OCRL: variants seen among roughly 807,000 people sequenced by gnomAD.
The protein encoded by OCRL is inositol polyphosphate 5-phosphatase OCRL.
In OCRL, 8 loss-of-function variants were observed where a neutral mutation model predicts 78.9. The observed-to-expected ratio is 0.10, with a 90% CI of 0.06 to 0.18. The LOEUF is 0.18. Among genes scored for constraint, OCRL ranks in the 10% least tolerant of loss-of-function variants. The pLI, the probability that OCRL is intolerant of heterozygous loss-of-function variation, is 1.00. For missense variants in OCRL, 454 were observed against 696.7 expected, an observed-to-expected ratio of 0.65 and a Z score of 3.92; for synonymous variants, 240 against 235.4, an observed-to-expected ratio of 1.02 and a Z score of -0.18.
chrX:129,573,382 C>T (rs1936326981), intron 15 of OCRL, among the ~76,000 whole-genome samples: 1 of 111,125 alleles, frequency 9.0e-6, no homozygotes, highest in South Asian at 3.9e-4. Flanking sequence ...TCCTTCCCCT[C>T]GCCCCACTAC....
At chrX:129,577,627 ATCTGT>A (rs1468862482) in intron 18 of OCRL, among the ~76,000 whole-genome samples, 2 of 111,354 alleles carry the variant, frequency 1.8e-5, no homozygotes, top group Non-Finnish European at 3.8e-5. Flanking sequence ...TCTGAGTCCG[ATCTGT>A]TCTGTTGCCA....
intron 4 of OCRL, among the ~76,000 whole-genome samples, chrX:129,548,882 A>G (rs780676818): frequency 2.7e-5 from 3 of 112,267 alleles, no homozygotes; most frequent in South Asian, 7.4e-4. Flanking sequence ...TGTCAGTTGA[A>G]TCATTGCTGT....
chrX:129,551,345 A>T (rs1026885343), intron 4 of OCRL, among the ~76,000 whole-genome samples: 5 of 112,483 alleles, frequency 4.4e-5, no homozygotes, highest in Admixed American at 9.4e-5. Flanking sequence ...GGCTCTAGGG[A>T]TATAGCAGAA....
intron 4 of OCRL, among the ~76,000 whole-genome samples, chrX:129,554,948 AAAATAAATAAATAAAT>A (rs765929333): frequency 1.2e-3 from 104 of 84,662 alleles, no homozygotes; most frequent in African/African-American, 1.9e-3. Flanking sequence ...ACTCCTTCTC[AAAATAAATAAATAAAT>A]AAATAAATAA....
At chrX:129,579,504 G>T (rs1360811714) in intron 18 of OCRL, among the ~76,000 whole-genome samples, 1 of 111,759 alleles carries the variant, frequency 8.9e-6, no homozygotes, top group Non-Finnish European at 1.9e-5. Flanking sequence ...CTTATGCACT[G>T]TTTTAGAAAG....
In OCRL at chrX:129,558,848, G is replaced by T. The variant is rs776946722; in HGVS notation, c.569G>T (p.Arg190Leu). ...TCTCATTTATTTGCTAGGCTTCCAC[G>T]TGAAAAAGAAGCTTCTAACAAGGAG... ...PPFSVNKMLP[R>L]EKEASNKEQP... The change falls in exon 8 of 24, where the codon CGT (arginine) becomes CTT (leucine). Residue 190 changes from arginine to leucine, a missense_variant. This residue lies in a region of OCRL where 177 missense variants were observed against 179.6 expected (regional missense o/e 0.99). Coordinates refer to ENST00000371113, the MANE Select transcript of OCRL (RefSeq NM_000276.4). The T allele has an allele frequency of 5.0e-6, 6 of 1,211,817 alleles. No homozygotes were observed. The South Asian group carries it at 8.8e-5, about 18-fold the overall frequency.
intron 16 of OCRL, among the ~76,000 whole-genome samples, 174 bp downstream of exon 16, chrX:129,575,424 A>G (rs1464683893): frequency 8.9e-6 from 1 of 111,809 alleles, no homozygotes; most frequent in Non-Finnish European, 1.9e-5. Flanking sequence ...TCAGGCAAGT[A>G]TCTTACCCGC....
At chrX:129,578,174 A>T (rs2266913) in intron 18 of OCRL, among the ~76,000 whole-genome samples, 3,208 of 111,727 alleles carry the variant, frequency 0.029, 117 homozygotes, top group East Asian at 0.2. Flanking sequence ...CAATACCATT[A>T]TTATGTATAA....
chrX:129,545,641 T>C (rs1935868706), intron 3 of OCRL, among the ~76,000 whole-genome samples: 1 of 112,192 alleles, frequency 8.9e-6, no homozygotes, highest in Non-Finnish European at 1.9e-5. Flanking sequence ...GAGGTTTGTG[T>C]AGGAGGTGTT....
chrX:129,545,053 C>A lies in OCRL; in HGVS notation c.199+16C>A, dbSNP rs5977104. The stretch of plus-strand genomic sequence containing the variant: ...TGTGTTCAAGGTACTAGCTTTAATT[C>A]CTTAGCTAGTTTTATAATGTTTTTT... On this transcript the variant is annotated intron_variant, in intron 3 of 23. Coordinates refer to ENST00000371113, the MANE Select transcript of OCRL (RefSeq NM_000276.4). 2.3e-6 allele frequency: 2 copies of A among 885,776 alleles called. No individual in the cohort carries two copies. The highest frequency in any genetic ancestry group is 3.3e-6 in the Non-Finnish European group (2 of 600,171). The allele number at this position is 885,776 out of a possible 1,213,427, so 73.0% of individuals were successfully genotyped here.
intron 15 of OCRL, among the ~76,000 whole-genome samples, chrX:129,573,101 G>C (rs1345018780): frequency 1.8e-5 from 2 of 112,292 alleles, no homozygotes; most frequent in African/African-American, 3.2e-5. Context: ...GGACCCTGGT[G>C]ATGGTAAAGT....
At chrX:129,575,646 C>T (rs1228899024) in intron 16 of OCRL, 7 of 415,797 alleles carry the variant, frequency 1.7e-5, no homozygotes, top group African/African-American at 2.5e-5. Flanking sequence ...GTTGGGTTAC[C>T]CTCTTAGGAT....
intron 18 of OCRL, among the ~76,000 whole-genome samples, chrX:129,583,191 G>T (rs1242628756): frequency 8.9e-6 from 1 of 111,910 alleles, no homozygotes; most frequent in Non-Finnish European, 1.9e-5. Flanking sequence ...AAATTGCCAA[G>T]AGGTGGAACG....
chrX:129,567,462 A>G (rs1936231836), intron 14 of OCRL, 99 bp downstream of exon 14: 2 of 544,045 alleles, frequency 3.7e-6, no homozygotes, highest in South Asian at 5.3e-5. Flanking sequence ...AGGCCATGCC[A>G]TAAGCAGATA....
At chrX:129,547,026 C>T (rs1031590221) in intron 3 of OCRL, among the ~76,000 whole-genome samples, 5 of 110,262 alleles carry the variant, frequency 4.5e-5, no homozygotes, top group African/African-American at 1.3e-4. Flanking sequence ...CAAGACCAGC[C>T]TGGGCAACAT....
At chrX:129,564,462 G>A (rs1462794611) in intron 12 of OCRL, among the ~76,000 whole-genome samples, 2 of 110,435 alleles carry the variant, frequency 1.8e-5, no homozygotes, top group Admixed American at 1.9e-4. Flanking sequence ...CAAAGACTTG[G>A]AACCAAGCCA....
intron 4 of OCRL, among the ~76,000 whole-genome samples, chrX:129,552,292 G>C (rs1935973000): frequency 8.9e-6 from 1 of 111,821 alleles, no homozygotes; most frequent in South Asian, 3.7e-4. Flanking sequence ...GAAGTGTCAA[G>C]GATGAATCTC....
chrX:129,566,808 T>C (rs978450538), intron 13 of OCRL, among the ~76,000 whole-genome samples: 2 of 112,211 alleles, frequency 1.8e-5, no homozygotes, highest in Non-Finnish European at 3.8e-5. Flanking sequence ...AAATTCTGAG[T>C]CTTATATAAC....
rs747862351 is a variant in OCRL at position 129,565,812 on chromosome X, A to C, written c.1285A>C (p.Met429Leu). ...WLGDLNYRLC[M>L]PDANEVKSLI... ...GGGAGATTTGAATTATAGACTTTGC[A>C]TGCCTGATGCCAATGAGGTGAAAAG... The change falls in exon 13 of 24, where the codon ATG becomes CTG. Residue 429 changes from methionine to leucine, a missense_variant. By Grantham distance (15) the Met-to-Leu change is conservative. Transcript: ENST00000371113. 1 of 1,209,512 alleles carries C rather than the reference A, an allele frequency of 8.3e-7. No individual in the cohort carries two copies. The highest frequency in any genetic ancestry group is 1.8e-5 in the South Asian group (1 of 56,932).
Sources: allele counts gnomAD v4.1 joint callset (sites outside exome capture counted in the v4.1 genomes callset), GRCh38; gene constraint gnomAD v4.1.1; regional missense constraint gnomAD v4.1.1; transcripts MANE v1.5; gene names NCBI Gene and HGNC (gene_info 2026-07-23, HGNC 2026-07-21).